GPC4: variants seen among roughly 807,000 people sequenced by gnomAD.
GPC4 encodes the protein glypican-4.
In GPC4, 10 loss-of-function variants were observed where a neutral mutation model predicts 35.0. The observed-to-expected ratio is 0.29, with a 90% confidence interval of 0.18 to 0.48. GPC4 has a LOEUF of 0.48. Among genes scored for constraint, GPC4 ranks in the 20% least tolerant of loss-of-function variants. GPC4 has a pLI of 0.99. For synonymous variants in GPC4, 167 were observed against 170.2 expected, an observed-to-expected ratio of 0.98 and a Z score of 0.15; for missense variants, 322 against 451.3, an observed-to-expected ratio of 0.71 and a Z score of 2.60.
At chrX:133,309,460 C>T (rs934126313) in intron 4 of GPC4, among the ~76,000 whole-genome samples, 22 of 112,577 alleles carry the variant, frequency 2.0e-4, no homozygotes, top group African/African-American at 5.8e-4. Flanking sequence ...AGGAAAAACA[C>T]GTAGGAGCAT....
intron 1 of GPC4, among the ~76,000 whole-genome samples, chrX:133,347,661 CA>C (rs1227830495): frequency 9.0e-6 from 1 of 110,916 alleles, no homozygotes; most frequent in African/African-American, 3.3e-5. Context: ...TTCATGGGAA[CA>C]AAGAAAGAAA....
At chrX:133,335,330 G>C (rs111896511) in intron 2 of GPC4, among the ~76,000 whole-genome samples, 23 of 111,191 alleles carry the variant, frequency 2.1e-4, no homozygotes, top group African/African-American at 5.9e-4. Flanking sequence ...AAAAATGATA[G>C]CATAGAAAAA....
chrX:133,313,251 C>T (rs1439200940), intron 3 of GPC4, among the ~76,000 whole-genome samples: 3 of 112,492 alleles, frequency 2.7e-5, no homozygotes, highest in Non-Finnish European at 3.8e-5. Context: ...CAGGCTCCTA[C>T]GTGATGCATG....
At chrX:133,361,154 G>A (rs948401304) in intron 1 of GPC4, among the ~76,000 whole-genome samples, 2 of 111,865 alleles carry the variant, frequency 1.8e-5, no homozygotes, top group Non-Finnish European at 3.8e-5. Context: ...AGTTCTAGAT[G>A]TTAGAGAAAA....
chrX:133,410,058 T>G (rs2068806482), intron 1 of GPC4, among the ~76,000 whole-genome samples: 1 of 111,605 alleles, frequency 9.0e-6, no homozygotes, highest in Admixed American at 9.6e-5. Flanking sequence ...TTTATATTCC[T>G]TCTACCATTA....
intron 1 of GPC4, among the ~76,000 whole-genome samples, chrX:133,381,168 A>G (rs1285826677): frequency 2.7e-5 from 3 of 112,056 alleles, no homozygotes; most frequent in African/African-American, 9.7e-5. Context: ...TCTGGGCAGC[A>G]CATACAAAGG....
Position 133,366,867 on chromosome X carries a change from G to A in GPC4, c.161-27526C>T, listed in dbSNP as rs1028974961. Among the ~76,000 whole-genome samples the A allele has an allele frequency of 3.6e-5, 4 of 112,034 alleles. No homozygotes were observed. The Admixed American group carries it at 3.8e-4, about 11-fold the overall frequency. On this transcript the variant is annotated intron_variant, in intron 1 of 8. Coordinates refer to ENST00000370828, the MANE Select transcript of GPC4 (RefSeq NM_001448.3). ...CTTTCCACAATCAATCAGATTGCAA[G>A]CCAAGTCTTCATTTGCATAGGAGTA... is the stretch of plus-strand genomic sequence containing the variant.
chrX:133,375,228 C>T (rs2068628391), intron 1 of GPC4, among the ~76,000 whole-genome samples: 1 of 111,641 alleles, frequency 9.0e-6, no homozygotes, highest in African/African-American at 3.3e-5. Flanking sequence ...TAGTCTATAG[C>T]TTTTTGATCT....
At chrX:133,361,233 T>C (rs1052640112) in intron 1 of GPC4, among the ~76,000 whole-genome samples, 1 of 111,766 alleles carries the variant, frequency 8.9e-6, no homozygotes, top group African/African-American at 3.3e-5. Flanking sequence ...TTTGAAATAT[T>C]CCAAAAAAGA....
At chrX:133,354,540 T>TTTTA (rs200729281) in intron 1 of GPC4, among the ~76,000 whole-genome samples, 5,626 of 95,542 alleles carry the variant, frequency 0.059, 169 homozygotes, top group Non-Finnish European at 0.078. Context: ...CAAGGTCATG[T>TTTTA]TTTATTTATT....
intron 1 of GPC4, among the ~76,000 whole-genome samples, chrX:133,348,654 C>A (rs926791135): frequency 1.8e-5 from 2 of 112,240 alleles, no homozygotes; most frequent in Admixed American, 9.4e-5. Flanking sequence ...TTTCACTAGG[C>A]TCATAATTTA....
rs1205361691 is a variant in GPC4 at position 133,373,262 on chromosome X, G to A, written c.161-33921C>T. Among the ~76,000 whole-genome samples, 3 of 111,222 alleles carry A rather than the reference G, an allele frequency of 2.7e-5. No individual in the cohort carries two copies. In the Admixed American group the frequency reaches 2.9e-4, roughly 11 times the overall value. ...GATAGGAATCGAACATACAACACAA[G>A]AAACAGAAGGTAGGGAGAAATGCAT... On this transcript the variant is annotated intron_variant, in intron 1 of 8. Coordinates refer to ENST00000370828, the MANE Select transcript of GPC4 (RefSeq NM_001448.3).
At position 133,301,772 on chromosome X, in the gene GPC4, A is replaced by C. The variant is rs2068267922; in HGVS notation, c.*1095T>G. 1.8e-5 allele frequency: 2 copies of C among 112,130 alleles called. No homozygotes were observed. The highest frequency in any genetic ancestry group is 6.5e-5 in the African/African-American group (2 of 30,835). The allele number at this position is 112,130 out of a possible 1,213,427, so 9.2% of individuals were successfully genotyped here. A position where few individuals can be genotyped will look rare whatever the true frequency, so the allele number is the denominator to read the frequency against. ...AACAAAAACTGGGATCCCAAAACAA[A>C]TGGAGATACACATGCACAGACAAAA... On this transcript the variant is annotated 3_prime_UTR_variant, in exon 9 of 9. Coordinates refer to ENST00000370828, the MANE Select transcript of GPC4 (RefSeq NM_001448.3).
At chrX:133,307,636 G>C (rs749712608) in intron 4 of GPC4, among the ~76,000 whole-genome samples, 1 of 111,905 alleles carries the variant, frequency 8.9e-6, no homozygotes, top group South Asian at 3.8e-4. Flanking sequence ...TAAACAAGTG[G>C]AGCACAACTT....
At chrX:133,318,515 A>T (rs2068349399) in intron 3 of GPC4, among the ~76,000 whole-genome samples, 1 of 111,977 alleles carries the variant, frequency 8.9e-6, no homozygotes, top group African/African-American at 3.2e-5. Flanking sequence ...AGTCATTTAG[A>T]CATCCCAATG....
At chrX:133,366,190 T>C in intron 1 of GPC4, among the ~76,000 whole-genome samples, 1 of 112,458 alleles carries the variant, frequency 8.9e-6, no homozygotes, top group Non-Finnish European at 1.9e-5. Context: ...CAGATCATAA[T>C]ATCAAGTTCC....
At chrX:133,369,779 C>G (rs1237544539) in intron 1 of GPC4, among the ~76,000 whole-genome samples, 1 of 111,443 alleles carries the variant, frequency 9.0e-6, no homozygotes, top group East Asian at 2.8e-4. Flanking sequence ...TCATTTTCAT[C>G]AGAAAATTGT....
At chrX:133,307,554 A>C (rs1048276928) in intron 4 of GPC4, among the ~76,000 whole-genome samples, 6 of 112,041 alleles carry the variant, frequency 5.4e-5, no homozygotes, top group African/African-American at 1.9e-4. Context: ...AAGGGCTGAA[A>C]GCATGAATAT....
intron 1 of GPC4, among the ~76,000 whole-genome samples, chrX:133,352,706 T>C (rs890657668): frequency 9.0e-6 from 1 of 111,260 alleles, no homozygotes; most frequent in Non-Finnish European, 1.9e-5. Context: ...GTGACTGATA[T>C]ATACTCAACA....
Sources: gnomAD v4.1 joint callset for allele counts (sites outside exome capture counted in the v4.1 genomes callset) on GRCh38, gnomAD v4.1.1 for gene constraint, MANE v1.5 for transcripts, NCBI Gene and HGNC (gene_info 2026-07-23, HGNC 2026-07-21) for gene names.